The following SLC4A4 variants were observed in gnomAD, a reference collection of about 807,000 sequenced individuals.
SLC4A4 encodes the protein solute carrier family 4 member 4.
Under a neutral mutation model 111.5 loss-of-function variants are expected in SLC4A4, and 27 were observed. That is an observed-to-expected ratio of 0.24 (90% CI 0.18 to 0.33). The LOEUF (loss-of-function observed/expected upper bound fraction) is 0.33. SLC4A4 is among the 10% of genes least tolerant of loss of function. The pLI is 1.00. For missense variants in SLC4A4, 909 were observed against 1,315.5 expected (o/e 0.69, Z 4.78); for synonymous variants, 443 against 463.4 (o/e 0.96, Z 0.57).
chr4:71,292,830 T>C (rs890041033), intron 3 of SLC4A4, among the ~76,000 whole-genome samples: 5 of 144,236 alleles, frequency 3.5e-5, no homozygotes, highest in African/African-American at 1.3e-4. Flanking sequence ...TGTCTTACTT[T>C]TGGTTTTTTT....
At chr4:71,267,376 A>G (rs1722346900) in intron 3 of SLC4A4, among the ~76,000 whole-genome samples, 1 of 152,176 alleles carries the variant, frequency 6.6e-6, no homozygotes, top group African/African-American at 2.4e-5. Flanking sequence ...TGTAAGTGAA[A>G]AAAATACTGC....
At chr4:71,195,270 G>T (rs992347039) in intron 1 of SLC4A4, among the ~76,000 whole-genome samples, 2 of 147,278 alleles carry the variant, frequency 1.4e-5, no homozygotes, top group Non-Finnish European at 3.0e-5. Context: ...AGCTTATGGG[G>T]GTCTTGGGTG....
chr4:71,460,769 G>A (rs1223224478), intron 12 of SLC4A4, among the ~76,000 whole-genome samples: 1 of 152,054 alleles, frequency 6.6e-6, no homozygotes, highest in East Asian at 1.9e-4. Flanking sequence ...TCACATTTGG[G>A]GCACATGGGA....
At chr4:71,460,402 C>T (rs1726707643) in intron 12 of SLC4A4, among the ~76,000 whole-genome samples, 1 of 152,118 alleles carries the variant, frequency 6.6e-6, no homozygotes, top group Admixed American at 6.6e-5. Flanking sequence ...GAAAGCCCTC[C>T]ATGTCTTGCT....
At chr4:71,412,003 T>C (rs913316487) in intron 7 of SLC4A4, among the ~76,000 whole-genome samples, 3 of 152,226 alleles carry the variant, frequency 2.0e-5, no homozygotes, top group African/African-American at 7.2e-5. Flanking sequence ...ATTGCTCTGC[T>C]AAACAACTGT....
intron 14 of SLC4A4, among the ~76,000 whole-genome samples, chr4:71,483,101 A>C (rs891012966): frequency 6.6e-6 from 1 of 151,696 alleles, no homozygotes; most frequent in Non-Finnish European, 1.5e-5. Context: ...ATTTACTAAC[A>C]TCTTCTTCCT....
chr4:71,120,363 C>T (rs1051304991), intron 2 of SLC4A4, among the ~76,000 whole-genome samples: 1 of 152,140 alleles, frequency 6.6e-6, no homozygotes, highest in Non-Finnish European at 1.5e-5. Flanking sequence ...AAGTTACAGT[C>T]CTTTGGAACT....
At chr4:71,303,314 A>G (rs1417065392) in intron 3 of SLC4A4, among the ~76,000 whole-genome samples, 4 of 152,248 alleles carry the variant, frequency 2.6e-5, no homozygotes, top group Non-Finnish European at 4.4e-5. Flanking sequence ...AATGTAGCCC[A>G]AATGGCATTT....
At chr4:71,092,050 A>T (rs1742406066) in intron 1 of SLC4A4, among the ~76,000 whole-genome samples, 1 of 152,190 alleles carries the variant, frequency 6.6e-6, no homozygotes, top group Non-Finnish European at 1.5e-5. Context: ...CAAGTACCAG[A>T]CTCTGTGTTA....
At chr4:71,110,393 A>C (rs1281770469) in intron 2 of SLC4A4, among the ~76,000 whole-genome samples, 4 of 151,942 alleles carry the variant, frequency 2.6e-5, no homozygotes, top group Non-Finnish European at 5.9e-5. Flanking sequence ...TTTCGTAGAG[A>C]TGGGGTTTCA....
chr4:71,567,764 C>CTTT, intron 25 of SLC4A4, 24 bp from the exon 26 acceptor site: 1 of 1,055,930 alleles, frequency 9.5e-7, no homozygotes, highest in Admixed American at 2.7e-5. Flanking sequence ...TTACTTACTA[C>CTTT]TTTTTTTTTT....
At chr4:71,101,572 C>T (rs1471067680) in intron 2 of SLC4A4, among the ~76,000 whole-genome samples, 1 of 152,210 alleles carries the variant, frequency 6.6e-6, no homozygotes, top group Non-Finnish European at 1.5e-5. Flanking sequence ...AGCTGGAGAT[C>T]TGAGAACGGG....
intron 6 of SLC4A4, among the ~76,000 whole-genome samples, chr4:71,360,190 G>A (rs931970360): frequency 1.3e-5 from 2 of 152,124 alleles, no homozygotes; most frequent in African/African-American, 2.4e-5. Context: ...TGTATCTACT[G>A]TGTCTGTATG....
intron 2 of SLC4A4, among the ~76,000 whole-genome samples, chr4:71,154,093 G>T (rs965977357): frequency 7.9e-5 from 12 of 152,174 alleles, no homozygotes; most frequent in Admixed American, 6.5e-4. Context: ...ACCTCTAAAA[G>T]GTCTATGCTG....
intron 16 of SLC4A4, 101 bp downstream of exon 16, chr4:71,497,793 A>T (rs1232281774): frequency 1.0e-6 from 1 of 970,586 alleles, no homozygotes; most frequent in Non-Finnish European, 1.6e-6. Flanking sequence ...CAATGTGTCC[A>T]ATATAATTTT....
chr4:71,443,576 T>A (rs1053227686), intron 8 of SLC4A4, among the ~76,000 whole-genome samples: 3 of 152,130 alleles, frequency 2.0e-5, no homozygotes, highest in African/African-American at 7.2e-5. Flanking sequence ...GATTTCTGAA[T>A]CTGAGACAAG....
chr4:71,339,586 T>G (rs1728721273), intron 4 of SLC4A4, 81 bp downstream of exon 4: 3 of 1,412,950 alleles, frequency 2.1e-6, no homozygotes, highest in Non-Finnish European at 3.0e-6. Flanking sequence ...AGTGCCGTTC[T>G]TTAGCCTTAG....
intron 14 of SLC4A4, among the ~76,000 whole-genome samples, chr4:71,476,916 G>T (rs1043376835): frequency 6.6e-6 from 1 of 151,664 alleles, no homozygotes; most frequent in Non-Finnish European, 1.5e-5. Flanking sequence ...ATTAGTAGAC[G>T]AAATGGATGT....
In SLC4A4 at chr4:71,567,192, A is replaced by G; in HGVS notation, c.*36+109A>G. The stretch of plus-strand genomic sequence containing the variant: ...CTTCTTGTTCTCCTTCGTCTCTATT[A>G]TTTATCTTAAATAAATTACCCAGTG... On this transcript the variant is annotated intron_variant, in intron 25 of 25. Transcript: ENST00000264485. The G allele has an allele frequency of 9.0e-6, 8 of 887,386 alleles. No individual in the cohort carries two copies. In the South Asian group the frequency reaches 1.3e-4, roughly 14 times the overall value. 55.0% of individuals were successfully genotyped at this position (887,386 alleles called of 1,614,324 possible).
Sources: allele counts gnomAD v4.1 joint callset (sites outside exome capture counted in the v4.1 genomes callset), GRCh38; gene constraint gnomAD v4.1.1; transcripts MANE v1.5; gene names NCBI Gene and HGNC (gene_info 2026-07-23, HGNC 2026-07-21).